Variants in PRKG1 observed in about 807,000 individuals in gnomAD.
PRKG1 encodes protein kinase cGMP-dependent 1, also known as cGMP-dependent protein kinase 1.
PRKG1 carries 35 observed loss-of-function variants against 88.1 expected under a neutral mutation model. The observed-to-expected ratio is 0.40, with a 90% confidence interval of 0.30 to 0.53. The LOEUF is 0.53. Among genes scored for constraint, PRKG1 ranks in the 20% least tolerant of loss-of-function variants. The probability of loss-of-function intolerance (pLI) is 0.59; values close to 1 mark genes in which losing one functional copy is unlikely to be tolerated. For missense variants in PRKG1, 540 were observed against 839.8 expected (o/e 0.64, Z 4.41); for synonymous variants, 303 against 292.5 (o/e 1.04, Z -0.37).
intron 9 of PRKG1, among the ~76,000 whole-genome samples, chr10:52,211,714 A>AG (rs1308712069): frequency 6.6e-6 from 1 of 151,602 alleles, no homozygotes; most frequent in Non-Finnish European, 1.5e-5. Context: ...AAAAAAAAAA[A>AG]AAAGAAAAGT....
At chr10:52,022,039 G>A (rs1313185958) in intron 5 of PRKG1, among the ~76,000 whole-genome samples, 1 of 152,164 alleles carries the variant, frequency 6.6e-6, no homozygotes, top group Admixed American at 6.6e-5. Context: ...TTACAATGGT[G>A]TGAAAGCAAT....
Position 51,974,054 on chromosome 10 carries a change from A to G in PRKG1, c.762+66484A>G, listed in dbSNP as rs76910018. 7.3e-3 allele frequency among the ~76,000 whole-genome samples: 1,109 copies of G among 152,268 alleles called. 16 individuals are homozygous for G. The highest frequency in any genetic ancestry group is 0.025 in the African/African-American group (1,058 of 41,558). The stretch of plus-strand genomic sequence containing the variant: ...TTGTCCATCATTTTCTTCATCTTAC[A>G]ATGACATAAATGAGCAATTATGACT... On this transcript the variant is annotated intron_variant, in intron 5 of 17. Transcript: ENST00000373980.
rs60625155 is a variant in PRKG1, at chr10:51,336,849, G to A, written c.479-130874G>A. Among the ~76,000 whole-genome samples, 1,253 of 152,280 alleles carry A rather than the reference G, an allele frequency of 8.2e-3. 17 individuals carry two copies. The highest frequency in any genetic ancestry group is 0.029 in the African/African-American group (1,199 of 41,544). On this transcript the variant is annotated intron_variant, in intron 2 of 17. Coordinates refer to ENST00000373980, the MANE Select transcript of PRKG1 (RefSeq NM_006258.4). ...GCCATAATGCCCAAAATAATTTATAGATACAATGCTATTCCCAATAAACTA... is the reference window on the plus strand; with the variant it reads ...GCCATAATGCCCAAAATAATTTATAAATACAATGCTATTCCCAATAAACTA...
chr10:51,723,152 G>T (rs1273455792), intron 3 of PRKG1, among the ~76,000 whole-genome samples: 1 of 152,114 alleles, frequency 6.6e-6, no homozygotes, highest in Non-Finnish European at 1.5e-5. Context: ...ATATGTCAAG[G>T]TATTATAATA....
intron 2 of PRKG1, among the ~76,000 whole-genome samples, chr10:51,330,768 G>C (rs1841720561): frequency 1.3e-5 from 2 of 152,106 alleles, no homozygotes; most frequent in Admixed American, 1.3e-4. Context: ...GGAGTTTGCT[G>C]AGCCTTCTTA....
At chr10:51,794,761 A>T (rs1483346798) in intron 3 of PRKG1, among the ~76,000 whole-genome samples, 1 of 152,036 alleles carries the variant, frequency 6.6e-6, no homozygotes, top group African/African-American at 2.4e-5. Context: ...TTTATCTGCC[A>T]ATTTAAAAAA....
chr10:52,250,060 C>T (rs1564532362), intron 9 of PRKG1, among the ~76,000 whole-genome samples: 1 of 152,076 alleles, frequency 6.6e-6, no homozygotes, highest in Non-Finnish European at 1.5e-5. Flanking sequence ...CTAGCCCTTT[C>T]AATGGGATGG....
At chr10:51,800,156 G>A (rs1255511660) in intron 3 of PRKG1, among the ~76,000 whole-genome samples, 1 of 151,942 alleles carries the variant, frequency 6.6e-6, no homozygotes, top group East Asian at 1.9e-4. Context: ...TATAATCATA[G>A]GAAGAAATGC....
chr10:52,183,459 G>A (rs10762634), intron 9 of PRKG1, among the ~76,000 whole-genome samples: 62,611 of 152,070 alleles, frequency 0.41, 13,156 homozygotes, highest in African/African-American at 0.49. Context: ...GCTGTCTCAA[G>A]GGCAGGTTCT....
At chr10:51,628,694 T>G (rs2132276037) in intron 3 of PRKG1, among the ~76,000 whole-genome samples, 1 of 151,358 alleles carries the variant, frequency 6.6e-6, no homozygotes, top group South Asian at 2.1e-4. Flanking sequence ...GCGCGGTGGC[T>G]CACGCCTGTA....
chr10:51,408,716 T>A lies in PRKG1; in HGVS notation c.479-59007T>A, dbSNP rs371980474. 3.9e-5 allele frequency among the ~76,000 whole-genome samples: 6 copies of A among 152,202 alleles called. No homozygotes were observed. The East Asian group carries it at 7.7e-4, about 20-fold the overall frequency. ...AAGTCCGTGTTGATGAATCCGTGTG[T>A]AACCTCCATCCCCGCCACCATGGCC... is the stretch of plus-strand genomic sequence containing the variant. On this transcript the variant is annotated intron_variant, in intron 2 of 17. Coordinates refer to ENST00000373980, the MANE Select transcript of PRKG1 (RefSeq NM_006258.4).
intron 4 of PRKG1, among the ~76,000 whole-genome samples, chr10:51,856,656 G>A (rs189285767): frequency 9.7e-4 from 148 of 152,256 alleles, no homozygotes; most frequent in Non-Finnish European, 1.6e-3. Flanking sequence ...TTAGAGCAAT[G>A]TTTGCCACAA....
intron 3 of PRKG1, among the ~76,000 whole-genome samples, chr10:51,611,927 G>A (rs897771591): frequency 4.6e-5 from 7 of 151,988 alleles, no homozygotes; most frequent in African/African-American, 1.7e-4. Flanking sequence ...TAATGGCTTT[G>A]TCAAAGATCA....
intron 5 of PRKG1, among the ~76,000 whole-genome samples, chr10:52,028,028 A>C (rs1328341078): frequency 4.6e-5 from 7 of 152,110 alleles, no homozygotes; most frequent in Non-Finnish European, 7.4e-5. Flanking sequence ...ACCTCAAATG[A>C]TCCACCCACC....
At chr10:52,266,749 T>C (rs1452814870) in intron 10 of PRKG1, among the ~76,000 whole-genome samples, 1 of 151,038 alleles carries the variant, frequency 6.6e-6, no homozygotes, top group Non-Finnish European at 1.5e-5. Flanking sequence ...GCAGAGAGAG[T>C]TTGAGTAATT....
intron 3 of PRKG1, among the ~76,000 whole-genome samples, chr10:51,671,572 TTCTCTC>T (rs775680768): frequency 6.6e-5 from 10 of 151,090 alleles, no homozygotes; most frequent in African/African-American, 1.7e-4. Flanking sequence ...GTGCCTCTTC[TTCTCTC>T]TCTCTCTCTC....
At chr10:52,189,916 C>T (rs545576045) in intron 9 of PRKG1, among the ~76,000 whole-genome samples, 1 of 152,332 alleles carries the variant, frequency 6.6e-6, no homozygotes, top group South Asian at 2.1e-4. Context: ...TGAGTATTCT[C>T]ATTTATATCC....
At chr10:52,166,839 G>GTCTA (rs1554812323) in intron 9 of PRKG1, among the ~76,000 whole-genome samples, 1 of 90,484 alleles carries the variant, frequency 1.1e-5, no homozygotes, top group Non-Finnish European at 2.0e-5. Flanking sequence ...GTATATATAT[G>GTCTA]TATATATATG....
At position 52,294,056 on chromosome 10, in the gene PRKG1, AC is replaced by A. The variant is rs1842331711; in HGVS notation, c.*158del. The A allele has an allele frequency of 1.0e-5, 6 of 589,028 alleles. No individual in the cohort carries two copies. In the Middle Eastern group the frequency reaches 8.6e-4, roughly 84 times the overall value. The allele number at this position is 589,028 out of a possible 1,614,324, so 36.5% of individuals were successfully genotyped here. The stretch of plus-strand genomic sequence containing the variant: ...AGTAACTACAGTGGCATTAGGACTT[AC>A]CGCTTAGATGACAATAGTGCTCTTT... On this transcript the variant is annotated 3_prime_UTR_variant, in exon 18 of 18. Coordinates refer to ENST00000373980, the MANE Select transcript of PRKG1 (RefSeq NM_006258.4).
Sources: gnomAD v4.1 joint callset for allele counts (sites outside exome capture counted in the v4.1 genomes callset) on GRCh38, gnomAD v4.1.1 for gene constraint, MANE v1.5 for transcripts, NCBI Gene and HGNC (gene_info 2026-07-23, HGNC 2026-07-21) for gene names.